Variants in RNF175 observed in about 807,000 individuals in gnomAD.
RNF175 encodes the protein ring finger protein 175.
Under a neutral mutation model 50.0 loss-of-function variants are expected in RNF175, and 38 were observed. The ratio of observed to expected loss-of-function variants is 0.76; its 90% CI spans 0.59 to 1.00. RNF175 has a LOEUF of 1.00. RNF175 is among the 50% of genes least tolerant of loss of function. RNF175 has a pLI of 0.00. For missense variants in RNF175, 388 were observed against 409.6 expected (o/e 0.95, Z 0.46); for synonymous variants, 155 against 146.1 (o/e 1.06, Z -0.44).
At chr4:153,743,814 G>A (rs1034098846) in intron 3 of RNF175, among the ~76,000 whole-genome samples, 1 of 152,188 alleles carries the variant, frequency 6.6e-6, no homozygotes, top group Non-Finnish European at 1.5e-5. Flanking sequence ...GGCACTGCAG[G>A]TAGCACAGCT....
chr4:153,752,016 G>A (rs897044653), intron 1 of RNF175, among the ~76,000 whole-genome samples: 4 of 152,250 alleles, frequency 2.6e-5, no homozygotes, highest in Admixed American at 1.3e-4. Flanking sequence ...CCCCAGGGAA[G>A]GGAGTAATCT....
At chr4:153,733,987 CTA>C (rs1332434215) in intron 3 of RNF175, among the ~76,000 whole-genome samples, 1 of 152,206 alleles carries the variant, frequency 6.6e-6, no homozygotes, top group Non-Finnish European at 1.5e-5. Flanking sequence ...GTTTGTTTCA[CTA>C]TGACTTGTTT....
intron 1 of RNF175, among the ~76,000 whole-genome samples, chr4:153,757,386 G>A (rs1740618885): frequency 6.6e-6 from 1 of 152,112 alleles, no homozygotes; most frequent in South Asian, 2.1e-4. Flanking sequence ...TCTCTCACCT[G>A]AACTGCTGCC....
At chr4:153,710,532 G>C in intron 8 of RNF175, 43 bp from the exon 9 acceptor site, 1 of 1,581,586 alleles carries the variant, frequency 6.3e-7, no homozygotes, top group Non-Finnish European at 8.6e-7. Context: ...CAGCCAAGTA[G>C]CAGAAATATT....
chr4:153,742,348 A>G (rs375223205), intron 3 of RNF175, among the ~76,000 whole-genome samples: 2 of 151,558 alleles, frequency 1.3e-5, no homozygotes, highest in Non-Finnish European at 1.5e-5. Context: ...TACTGCTTTG[A>G]AAAAAAACAA....
At chr4:153,756,268 G>A (rs1233162694) in intron 1 of RNF175, among the ~76,000 whole-genome samples, 1 of 151,634 alleles carries the variant, frequency 6.6e-6, no homozygotes, top group Non-Finnish European at 1.5e-5. Flanking sequence ...CTTTCTTTTG[G>A]CTAGCTAAAT....
intron 1 of RNF175, among the ~76,000 whole-genome samples, chr4:153,758,375 C>T (rs993458896): frequency 2.0e-5 from 3 of 152,112 alleles, no homozygotes; most frequent in African/African-American, 7.2e-5. Context: ...GTTCCTGGAC[C>T]ACACTGTCTT....
chr4:153,759,786 C>A lies in RNF175; in HGVS notation c.66+11G>T, dbSNP rs1280501223. On this transcript the variant is annotated intron_variant, in intron 1 of 8. Transcript: ENST00000347063. Reference sequence around the variant, plus strand: ...CTGGCGTCCCCCACGCCCGCGCCCCCGCGCCAGTACCTGCTCCTGCTGCGG... The same window carrying A: ...CTGGCGTCCCCCACGCCCGCGCCCCAGCGCCAGTACCTGCTCCTGCTGCGG... 4 of 1,473,978 alleles carry A rather than the reference C, an allele frequency of 2.7e-6. No individual in the cohort carries two copies. Among genetic ancestry groups the A allele is most frequent in the Middle Eastern group, 4.7e-4 (2 of 4,282 alleles). 91.3% of individuals were successfully genotyped at this position (1,473,978 alleles called of 1,614,324 possible).
At chr4:153,718,218 G>GTTT (rs1560770428) in intron 6 of RNF175, among the ~76,000 whole-genome samples, 8 of 28,692 alleles carry the variant, frequency 2.8e-4, no homozygotes, top group East Asian at 2.5e-3. Context: ...AGTTTTTTTT[G>GTTT]TTTGTTTGTT....
At chr4:153,759,017 G>A (rs890568913) in intron 1 of RNF175, among the ~76,000 whole-genome samples, 14 of 152,148 alleles carry the variant, frequency 9.2e-5, no homozygotes, top group African/African-American at 3.4e-4. Flanking sequence ...TTTTGTTGTT[G>A]TTTAAGAGTT....
rs1220963132 is a variant in RNF175 at position 153,754,056 on chromosome 4, GCTACTC to G, written c.67-2587_67-2582del. On this transcript the variant is annotated intron_variant, in intron 1 of 8. Coordinates refer to ENST00000347063, the MANE Select transcript of RNF175 (RefSeq NM_173662.4). ...GTGGTTGTAGGCGCCTGTAGTCCCA[GCTACTC>G]AGGAGGATGCGGTAGGAGAATGGTG... Among the ~76,000 whole-genome samples, 5 of 151,788 alleles carry G rather than the reference GCTACTC, an allele frequency of 3.3e-5. No individual in the cohort carries two copies. In the South Asian group the frequency reaches 1.0e-3, roughly 32 times the overall value.
intron 1 of RNF175, among the ~76,000 whole-genome samples, chr4:153,753,040 T>G (rs13121180): frequency 6.6e-6 from 1 of 151,742 alleles, no homozygotes; most frequent in African/African-American, 2.4e-5. Context: ...CAAAAGGACA[T>G]AAACCTCCAA....
At chr4:153,725,310 A>G (rs1328191661) in intron 4 of RNF175, among the ~76,000 whole-genome samples, 1 of 152,130 alleles carries the variant, frequency 6.6e-6, no homozygotes, top group East Asian at 1.9e-4. Flanking sequence ...AGCAGTTTAG[A>G]TCATTGCTCA....
chr4:153,715,289 A>T (rs1737835006), intron 7 of RNF175: 1 of 547,828 alleles, frequency 1.8e-6, no homozygotes, highest in Admixed American at 2.7e-5. Context: ...CTTCCTGTCT[A>T]TGTGGCATTA....
rs778545823 is a variant in RNF175, at chr4:153,710,382, A to G, written c.974T>C (p.Leu325Pro). ...GGGTCTGCTGTCCTATTCCAGCCCT[A>G]GTGAATAGATAATGCCTTGAACTAT... is the stretch of plus-strand genomic sequence containing the variant. ...IGIVQGIIYS[L>P]GLE Residue 325 changes from leucine to proline, a missense_variant, in exon 9 of 9, where the codon CTA becomes CCA. Physicochemically the swap from Leu to Pro is moderately conservative, Grantham distance 98. Coordinates refer to ENST00000347063, the MANE Select transcript of RNF175 (RefSeq NM_173662.4). 1.9e-6 allele frequency: 3 copies of G among 1,555,064 alleles called. No individual in the cohort carries two copies. The African/African-American group carries it at 4.1e-5, about 21-fold the overall frequency.
At chr4:153,735,090 C>G (rs1739282984) in intron 3 of RNF175, among the ~76,000 whole-genome samples, 1 of 152,176 alleles carries the variant, frequency 6.6e-6, no homozygotes, top group African/African-American at 2.4e-5. Context: ...AACCCATCAT[C>G]AAATACAAGT....
intron 8 of RNF175, 96 bp from the exon 9 acceptor site, chr4:153,710,585 G>T: frequency 8.6e-7 from 1 of 1,161,892 alleles, no homozygotes; most frequent in South Asian, 1.5e-5. Flanking sequence ...GTAATGAATG[G>T]GTATTTCCTT....
At chr4:153,757,023 GTA>G (rs1740599364) in intron 1 of RNF175, among the ~76,000 whole-genome samples, 1 of 152,114 alleles carries the variant, frequency 6.6e-6, no homozygotes, top group African/African-American at 2.4e-5. Context: ...ACAAGGCCTT[GTA>G]TCCCATTTCA....
At chr4:153,742,023 C>G (rs1470016786) in intron 3 of RNF175, among the ~76,000 whole-genome samples, 1 of 152,182 alleles carries the variant, frequency 6.6e-6, no homozygotes, top group Non-Finnish European at 1.5e-5. Context: ...GTAATCCCAG[C>G]ACCTTGGGAG....
Sources: allele counts gnomAD v4.1 joint callset (sites outside exome capture counted in the v4.1 genomes callset), GRCh38; gene constraint gnomAD v4.1.1; transcripts MANE v1.5; gene names NCBI Gene and HGNC (gene_info 2026-07-23, HGNC 2026-07-21).